The following FRMD3 variants were observed in gnomAD, a reference collection of about 807,000 sequenced individuals.
The protein encoded by FRMD3 is FERM domain-containing protein 3.
In FRMD3, 33 loss-of-function variants were observed where a neutral mutation model predicts 70.2. The ratio of observed to expected loss-of-function variants is 0.47; its 90% CI spans 0.36 to 0.63. FRMD3 has a LOEUF of 0.63. FRMD3 is among the 20% of genes least tolerant of loss of function. FRMD3 has a pLI of 0.00. For missense variants in FRMD3, 632 were observed against 711.4 expected, an observed-to-expected ratio of 0.89 and a Z score of 1.27; for synonymous variants, 279 against 255.9, an observed-to-expected ratio of 1.09 and a Z score of -0.86.
At chr9:83,425,434 A>T (rs4636280) in intron 1 of FRMD3, among the ~76,000 whole-genome samples, 2 of 151,826 alleles carry the variant, frequency 1.3e-5, no homozygotes, top group Non-Finnish European at 2.9e-5. Flanking sequence ...TCATCATCCT[A>T]GCTTGTGAGA....
intron 13 of FRMD3, among the ~76,000 whole-genome samples, chr9:83,284,987 T>C (rs1834129657): frequency 6.6e-6 from 1 of 152,150 alleles, no homozygotes; most frequent in Non-Finnish European, 1.5e-5. Context: ...TGACCTGTTA[T>C]GTGTTCGGGT....
intron 1 of FRMD3, among the ~76,000 whole-genome samples, chr9:83,416,005 A>C (rs1826430142): frequency 6.6e-6 from 1 of 152,174 alleles, no homozygotes; most frequent in Non-Finnish European, 1.5e-5. Flanking sequence ...GCATCTGGGC[A>C]CTTGGGAAAG....
intron 3 of FRMD3, chr9:83,350,794 C>T (rs1299093148): frequency 1.1e-6 from 1 of 902,542 alleles, no homozygotes; most frequent in African/African-American, 1.8e-5. Context: ...CTCAAATATC[C>T]AGAACTCACC....
chr9:83,300,459 A>C (rs935739983), intron 10 of FRMD3, among the ~76,000 whole-genome samples: 7 of 152,204 alleles, frequency 4.6e-5, no homozygotes, highest in African/African-American at 1.7e-4. Context: ...AAAACCAAAA[A>C]TTCTATATTC....
chr9:83,283,841 T>C (rs1834078007), intron 13 of FRMD3, among the ~76,000 whole-genome samples: 1 of 152,144 alleles, frequency 6.6e-6, no homozygotes, highest in South Asian at 2.1e-4. Flanking sequence ...TTAACCCATT[T>C]GTCTGTATTT....
chr9:83,317,920 T>C (rs1327338395), intron 6 of FRMD3, among the ~76,000 whole-genome samples: 1 of 152,192 alleles, frequency 6.6e-6, no homozygotes, highest in Non-Finnish European at 1.5e-5. Flanking sequence ...TCTGGAATAT[T>C]TTTTAAACTC....
chr9:83,418,584 A>G (rs1289140526), intron 1 of FRMD3, among the ~76,000 whole-genome samples: 1 of 152,212 alleles, frequency 6.6e-6, no homozygotes, highest in Non-Finnish European at 1.5e-5. Context: ...AGATACCACT[A>G]CCTTACTCCT....
At chr9:83,494,464 C>T (rs567258026) in intron 1 of FRMD3, among the ~76,000 whole-genome samples, 1 of 152,116 alleles carries the variant, frequency 6.6e-6, no homozygotes, top group Non-Finnish European at 1.5e-5. Flanking sequence ...GGGATGTTTC[C>T]CCCACTGGCC....
At chr9:83,296,018 T>A (rs1199318297) in intron 12 of FRMD3, among the ~76,000 whole-genome samples, 1 of 152,240 alleles carries the variant, frequency 6.6e-6, no homozygotes, top group Admixed American at 6.5e-5. Context: ...AACTTGGCAT[T>A]ATTTGAAGAG....
chr9:83,541,939 T>TTTA (rs944415337), upstream of FRMD3, among the ~76,000 whole-genome samples: 27 of 152,186 alleles, frequency 1.8e-4, no homozygotes, highest in Admixed American at 4.6e-4. Context: ...TTTTTTATTT[T>TTTA]TTATTATTAT....
intron 13 of FRMD3, among the ~76,000 whole-genome samples, chr9:83,269,435 A>G (rs946070786): frequency 6.6e-6 from 1 of 152,178 alleles, no homozygotes; most frequent in African/African-American, 2.4e-5. Flanking sequence ...CCTCCTTCCT[A>G]CCTTTCATTT....
At chr9:83,347,717 T>C (rs1824008363) in intron 4 of FRMD3, among the ~76,000 whole-genome samples, 1 of 152,210 alleles carries the variant, frequency 6.6e-6, no homozygotes, top group Admixed American at 6.5e-5. Context: ...TTCTCAAACT[T>C]TAGATTAATC....
chr9:83,545,005 C>G, the FRMD3 span, among the ~76,000 whole-genome samples: 241 of 152,200 alleles, frequency 1.6e-3, 1 homozygote, highest in African/African-American at 5.6e-3. Flanking sequence ...AAGGATCACA[C>G]TAAATATCTA....
chr9:83,545,351 T>TTTTGG, the FRMD3 span, among the ~76,000 whole-genome samples: 1 of 128,212 alleles, frequency 7.8e-6, no homozygotes, highest in Non-Finnish European at 1.7e-5. Context: ...GTGTTGTTTT[T>TTTTGG]TTTTGTTTTT....
chr9:83,525,887 A>C (rs1829674123), intron 1 of FRMD3, among the ~76,000 whole-genome samples: 4 of 152,198 alleles, frequency 2.6e-5, no homozygotes, highest in South Asian at 2.1e-4. Context: ...AGCCTGCCCC[A>C]ACCAGAAATA....
At chr9:83,307,905 C>T (rs1835197705) in intron 10 of FRMD3, among the ~76,000 whole-genome samples, 1 of 152,128 alleles carries the variant, frequency 6.6e-6, no homozygotes, top group African/African-American at 2.4e-5. Flanking sequence ...CTGTGTTTCC[C>T]TCTCTGAACT....
At chr9:83,575,438 G>C in the FRMD3 span, among the ~76,000 whole-genome samples, 1 of 152,148 alleles carries the variant, frequency 6.6e-6, no homozygotes, top group African/African-American at 2.4e-5. Context: ...ACTGGCCCAT[G>C]TGACTGGAGG....
At chr9:83,350,635 A>AAG (rs1824119928) in intron 3 of FRMD3, 1 of 463,190 alleles carries the variant, frequency 2.2e-6, no homozygotes, top group African/African-American at 2.1e-5. Flanking sequence ...AAAAAAAAAA[A>AAG]AAAGAAAGAA....
At chr9:83,352,248 T>C (rs545157489) in intron 3 of FRMD3, among the ~76,000 whole-genome samples, 2 of 152,312 alleles carry the variant, frequency 1.3e-5, no homozygotes, top group Admixed American at 1.3e-4. Context: ...GTTGGATCAA[T>C]AGGTATGGGA....
Sources: allele counts gnomAD v4.1 joint callset (sites outside exome capture counted in the v4.1 genomes callset), GRCh38; gene constraint gnomAD v4.1.1; transcripts MANE v1.5; gene names NCBI Gene and HGNC (gene_info 2026-07-23, HGNC 2026-07-21).